Variants in LRCH2 observed in about 807,000 individuals in gnomAD.
LRCH2 encodes the protein leucine-rich repeat and calponin homology domain-containing protein 2.
Under a neutral mutation model 68.9 loss-of-function variants are expected in LRCH2, and 38 were observed. The ratio of observed to expected loss-of-function variants is 0.55; its 90% CI spans 0.43 to 0.72. LRCH2 has a LOEUF of 0.72. Ranked by LOEUF, LRCH2 falls within the 30% of genes least tolerant of loss-of-function variation. The pLI, the probability that LRCH2 is intolerant of heterozygous loss-of-function variation, is 0.00. For synonymous variants in LRCH2, 191 were observed against 208.1 expected, an observed-to-expected ratio of 0.92 and a Z score of 0.71; for missense variants, 528 against 572.9, an observed-to-expected ratio of 0.92 and a Z score of 0.80.
In LRCH2 at chrX:115,150,025, C is replaced by A; in HGVS notation, c.1575G>T (p.Trp525Cys). 8.6e-7 allele frequency: 1 copy of A among 1,167,592 alleles called. No individual in the cohort carries two copies. The highest frequency in any genetic ancestry group is 3.2e-5 in the East Asian group (1 of 31,604). Reference sequence around the variant, plus strand: ...TTGTAATTTAATTTCTTCTTACCTGCCAGGTGAGGGGTGATAATGGTGAAT... The same window carrying A: ...TTGTAATTTAATTTCTTCTTACCTGACAGGTGAGGGGTGATAATGGTGAAT... ...EVNSPLSPLT[W>C]QPLENQKDQI... Residue 525 changes from tryptophan to cysteine, a missense_variant, in exon 13 of 21, where the codon TGG (tryptophan) becomes TGT (cysteine). Coordinates refer to ENST00000317135, the MANE Select transcript of LRCH2 (RefSeq NM_020871.4).
At chrX:115,156,324 G>C (rs988066753) in intron 12 of LRCH2, among the ~76,000 whole-genome samples, 1 of 111,239 alleles carries the variant, frequency 9.0e-6, no homozygotes, top group African/African-American at 3.3e-5. Flanking sequence ...CATTATTCCT[G>C]GCAGGAATAG....
intron 1 of LRCH2, among the ~76,000 whole-genome samples, chrX:115,229,138 C>T: frequency 9.0e-6 from 1 of 111,526 alleles, no homozygotes; most frequent in Non-Finnish European, 1.9e-5. Context: ...CACCATACCA[C>T]AAACAAAAAG....
intron 20 of LRCH2, among the ~76,000 whole-genome samples, chrX:115,114,277 T>C (rs1427788395): frequency 5.4e-5 from 6 of 111,445 alleles, no homozygotes; most frequent in Non-Finnish European, 1.1e-4. Context: ...TGGTATCCCA[T>C]AAAGAGTTCT....
intron 18 of LRCH2, 31 bp from the exon 19 acceptor site, chrX:115,122,928 C>G: frequency 8.7e-7 from 1 of 1,153,573 alleles, no homozygotes; most frequent in Non-Finnish European, 1.2e-6. Flanking sequence ...ATCAGATACT[C>G]TATCTAAACA....
At chrX:115,224,681 CAAAAAA>C (rs782620582) in intron 1 of LRCH2, among the ~76,000 whole-genome samples, 1 of 56,234 alleles carries the variant, frequency 1.8e-5, no homozygotes, top group Non-Finnish European at 3.5e-5. Flanking sequence ...GAGACTCTGT[CAAAAAA>C]AAAAAAAAAG....
chrX:115,118,659 C>G (rs1399820317), intron 20 of LRCH2, among the ~76,000 whole-genome samples: 2 of 111,447 alleles, frequency 1.8e-5, no homozygotes, highest in African/African-American at 6.5e-5. Flanking sequence ...TCCTCCCTAA[C>G]TCATTTGATG....
At chrX:115,123,475 T>C (rs1410571849) in intron 17 of LRCH2, among the ~76,000 whole-genome samples, 1 of 112,138 alleles carries the variant, frequency 8.9e-6, no homozygotes, top group South Asian at 3.7e-4. Flanking sequence ...ACTGAACATA[T>C]GTCAGCCTTT....
chrX:115,184,494 G>A lies in LRCH2; in HGVS notation c.538C>T (p.Pro180Ser). ...STLPKYLFDL[P>S]LKVLVVSNNK... The stretch of plus-strand genomic sequence containing the variant: ...TTACTGACGACCAAAACTTTAAGGG[G>A]AAGATCAAATAGGTATTTTGGCAAT... The change falls in exon 3 of 21, where the codon CCC becomes TCC. Residue 180 changes from proline (P) to serine (S), a missense_variant. By Grantham distance (74) the Pro-to-Ser change is moderately conservative. Transcript: ENST00000317135. The A allele has an allele frequency of 8.4e-7, 1 of 1,186,620 alleles. No homozygotes were observed. The highest frequency in any genetic ancestry group is 1.1e-6 in the Non-Finnish European group (1 of 883,285).
At chrX:115,182,774 AG>A (rs1395838794) in intron 3 of LRCH2, among the ~76,000 whole-genome samples, 8 of 100,805 alleles carry the variant, frequency 7.9e-5, no homozygotes, top group African/African-American at 2.9e-4. Flanking sequence ...TGGAGGTTGC[AG>A]TGAGCCAAGA....
rs950507396 is a variant in LRCH2, at chrX:115,138,121, C to T, written c.1696-7922G>A. Among the ~76,000 whole-genome samples, 10 of 106,433 alleles carry T rather than the reference C, an allele frequency of 9.4e-5. No individual in the cohort carries two copies. The East Asian group carries it at 1.2e-3, about 13-fold the overall frequency. 92.4% of individuals were successfully genotyped at this position (106,433 alleles called of 115,157 possible). On this transcript the variant is annotated intron_variant, in intron 14 of 20. Transcript: ENST00000317135. Reference sequence around the variant, plus strand: ...TCCAGGCCCCCCTTTCTTCGCCCCCCTTCCTCTCCCTAAGGCAGGTAATAG... The same window carrying T: ...TCCAGGCCCCCCTTTCTTCGCCCCCTTTCCTCTCCCTAAGGCAGGTAATAG...
At chrX:115,189,458 G>T in intron 1 of LRCH2, 1 of 1,173,594 alleles carries the variant, frequency 8.5e-7, no homozygotes, top group Non-Finnish European at 1.1e-6. Context: ...GAAGCGGATC[G>T]CCCAGAGAAG....
intron 1 of LRCH2, among the ~76,000 whole-genome samples, chrX:115,228,784 G>A (rs2073135285): frequency 9.0e-6 from 1 of 111,289 alleles, no homozygotes; most frequent in Admixed American, 9.6e-5. Context: ...TACCTGTCAT[G>A]CAACAAATAC....
At chrX:115,174,835 G>C (rs1218247568) in intron 5 of LRCH2, among the ~76,000 whole-genome samples, 4 of 111,584 alleles carry the variant, frequency 3.6e-5, no homozygotes, top group Non-Finnish European at 7.5e-5. Flanking sequence ...GATCTCTTAA[G>C]TGGTAAGTAT....
intron 1 of LRCH2, among the ~76,000 whole-genome samples, chrX:115,218,186 C>T (rs1237499557): frequency 9.0e-6 from 1 of 111,420 alleles, no homozygotes; most frequent in Non-Finnish European, 1.9e-5. Context: ...ATCATGCTTT[C>T]ATGTAACATT....
intron 14 of LRCH2, among the ~76,000 whole-genome samples, chrX:115,138,662 T>C (rs782133551): frequency 8.9e-6 from 1 of 111,746 alleles, no homozygotes; most frequent in East Asian, 2.8e-4. Flanking sequence ...AAATACAAGA[T>C]GATATACTTA....
In LRCH2 at chrX:115,174,601, CCACA is replaced by C. The variant is rs59364428; in HGVS notation, c.865-4173_865-4170del. On this transcript the variant is annotated intron_variant, in intron 5 of 20. Transcript: ENST00000317135. ...ATTACACACAAACACACCCCCCCCC[CCACA>C]CACACACACACACTATATTTTCTTT... Among the ~76,000 whole-genome samples the C allele has an allele frequency of 5.7e-3, 382 of 66,504 alleles. 1 individual carries two copies. The highest frequency in any genetic ancestry group is 0.018 in the African/African-American group (359 of 19,872). The allele number at this position is 66,504 out of a possible 115,157, so 57.8% of individuals were successfully genotyped here.
chrX:115,145,014 C>T (rs868940751), intron 14 of LRCH2, among the ~76,000 whole-genome samples: 20 of 111,744 alleles, frequency 1.8e-4, no homozygotes, highest in African/African-American at 6.2e-4. Context: ...AGGAACAAAA[C>T]TGGAGGAATC....
rs1018652125 is a variant in LRCH2 at position 115,217,052 on chromosome X, T to C, written c.349+16641A>G. Among the ~76,000 whole-genome samples, 5 of 111,500 alleles carry C rather than the reference T, an allele frequency of 4.5e-5. No homozygotes were observed. In the Admixed American group the frequency reaches 4.8e-4, roughly 11 times the overall value. ...TGGCAAGAAAACCTGGCAACTTCTA[T>C]GTACCTGCAGAACCCTGAGACTCAG... is the stretch of plus-strand genomic sequence containing the variant. On this transcript the variant is annotated intron_variant, in intron 1 of 20. Coordinates refer to ENST00000317135, the MANE Select transcript of LRCH2 (RefSeq NM_020871.4).
At chrX:115,200,338 AC>A (rs1485120445) in intron 1 of LRCH2, among the ~76,000 whole-genome samples, 1 of 111,815 alleles carries the variant, frequency 8.9e-6, no homozygotes, top group Non-Finnish European at 1.9e-5. Flanking sequence ...TATTAAAAAA[AC>A]AAAGAGTTGA....
Sources: gnomAD v4.1 joint callset for allele counts (sites outside exome capture counted in the v4.1 genomes callset) on GRCh38, gnomAD v4.1.1 for gene constraint, MANE v1.5 for transcripts, NCBI Gene and HGNC (gene_info 2026-07-23, HGNC 2026-07-21) for gene names.